RCL1: variants seen among roughly 807,000 people sequenced by gnomAD.
RCL1 encodes RNA 3'-terminal phosphate cyclase-like protein.
RCL1 carries 24 observed loss-of-function variants against 42.4 expected under a neutral mutation model. The observed-to-expected ratio is 0.57, with a 90% CI of 0.41 to 0.80. The LOEUF (loss-of-function observed/expected upper bound fraction) is 0.80. Among genes scored for constraint, RCL1 ranks in the 30% least tolerant of loss-of-function variants. The pLI, the probability that RCL1 is intolerant of heterozygous loss-of-function variation, is 0.00. For missense variants in RCL1, 578 were observed against 467.9 expected (o/e 1.24, Z -2.17); for synonymous variants, 228 against 177.3 (o/e 1.29, Z -2.27).
intron 7 of RCL1, among the ~76,000 whole-genome samples, chr9:4,848,380 GAC>G (rs1817591518): frequency 6.6e-6 from 1 of 152,150 alleles, no homozygotes; most frequent in African/African-American, 2.4e-5. Context: ...AATGATATCT[GAC>G]AGCCAGAGAA....
At chr9:4,809,839 T>C (rs1816109914) in intron 1 of RCL1, among the ~76,000 whole-genome samples, 1 of 151,968 alleles carries the variant, frequency 6.6e-6, no homozygotes, top group Non-Finnish European at 1.5e-5. Context: ...GTTTTCAAGA[T>C]GGAGTCTCAC....
At chr9:4,807,710 G>A (rs1041500235) in intron 1 of RCL1, among the ~76,000 whole-genome samples, 1 of 152,054 alleles carries the variant, frequency 6.6e-6, no homozygotes, top group African/African-American at 2.4e-5. Context: ...GTAGAGACAG[G>A]GTTTCTCCGT....
chr9:4,807,288 C>T (rs1816009311), intron 1 of RCL1, among the ~76,000 whole-genome samples: 1 of 152,128 alleles, frequency 6.6e-6, no homozygotes, highest in South Asian at 2.1e-4. Flanking sequence ...TTATTTCCTT[C>T]CTTCACTTGC....
At chr9:4,813,696 C>A (rs1310302654) in intron 1 of RCL1, among the ~76,000 whole-genome samples, 2 of 152,158 alleles carry the variant, frequency 1.3e-5, no homozygotes, top group Admixed American at 1.3e-4. Flanking sequence ...GGGTATATAC[C>A]CAAAGGATTA....
chr9:4,829,282 C>G lies in RCL1; in HGVS notation c.384+2249C>G, dbSNP rs557349662. Among the ~76,000 whole-genome samples, 3 of 152,188 alleles carry G rather than the reference C, an allele frequency of 2.0e-5. No homozygotes were observed. In the South Asian group the frequency reaches 6.2e-4, roughly 32 times the overall value. ...GATGAATGGAGAGGTGATAGACTAGCTTGGGCATTATGGAGATGGAAGGAG... is the reference window on the plus strand; with the variant it reads ...GATGAATGGAGAGGTGATAGACTAGGTTGGGCATTATGGAGATGGAAGGAG... On this transcript the variant is annotated intron_variant, in intron 3 of 8. Transcript: ENST00000381750.
intron 8 of RCL1, among the ~76,000 whole-genome samples, chr9:4,851,950 C>A (rs191502872): frequency 4.7e-5 from 7 of 147,616 alleles, no homozygotes; most frequent in Non-Finnish European, 7.4e-5. Flanking sequence ...GCGCAATCTC[C>A]GCCCACTGCA....
chr9:4,844,759 C>G (rs1465616340), intron 7 of RCL1, 78 bp downstream of exon 7: 1 of 1,460,066 alleles, frequency 6.8e-7, no homozygotes, highest in South Asian at 1.3e-5. Context: ...TGGCAGCTTT[C>G]GTCCTCTTCC....
At chr9:4,806,755 G>A (rs903660312) in intron 1 of RCL1, among the ~76,000 whole-genome samples, 2 of 151,516 alleles carry the variant, frequency 1.3e-5, no homozygotes, top group Non-Finnish European at 2.9e-5. Context: ...GTCTGGTTTT[G>A]GTATCAGGGT....
chr9:4,860,322 C>G lies in RCL1; in HGVS notation c.*47C>G, dbSNP rs1044835535. 6.3e-7 allele frequency: 1 copy of G among 1,588,590 alleles called. No individual in the cohort carries two copies. The highest frequency in any genetic ancestry group is 1.9e-5 in the Admixed American group (1 of 53,998). On this transcript the variant is annotated 3_prime_UTR_variant, in exon 9 of 9. Coordinates refer to ENST00000381750, the MANE Select transcript of RCL1 (RefSeq NM_005772.5). The stretch of plus-strand genomic sequence containing the variant: ...CCAATGCCTACAGACAAAGCAGAAG[C>G]TGCCACGGACACCAATGGGACCAAG...
chr9:4,805,205 C>T (rs1352997891), intron 1 of RCL1, among the ~76,000 whole-genome samples: 1 of 151,990 alleles, frequency 6.6e-6, no homozygotes, highest in Non-Finnish European at 1.5e-5. Flanking sequence ...ACAAACAAAA[C>T]AATAAGCAAA....
intron 7 of RCL1, among the ~76,000 whole-genome samples, chr9:4,845,553 A>G (rs1164417807): frequency 2.0e-5 from 3 of 152,244 alleles, no homozygotes; most frequent in Admixed American, 2.0e-4. Flanking sequence ...CAGTTTCCTA[A>G]AAGATATATT....
chr9:4,855,460 A>C (rs1036373619), intron 8 of RCL1, among the ~76,000 whole-genome samples: 3 of 152,104 alleles, frequency 2.0e-5, no homozygotes, highest in Non-Finnish European at 2.9e-5. Context: ...ATATGAACTC[A>C]AGAGGCGGTG....
chr9:4,831,106 G>A, intron 3 of RCL1, among the ~76,000 whole-genome samples: 1 of 152,146 alleles, frequency 6.6e-6, no homozygotes, highest in East Asian at 1.9e-4. Context: ...AGGCAGAGTA[G>A]GTCCCAAGCC....
chr9:4,805,485 A>G (rs1037269119), intron 1 of RCL1, among the ~76,000 whole-genome samples: 4 of 152,212 alleles, frequency 2.6e-5, no homozygotes, highest in African/African-American at 7.2e-5. Context: ...TGGATCAAAT[A>G]TTAGTTGGAG....
At chr9:4,823,247 G>A (rs1034167655) in intron 1 of RCL1, among the ~76,000 whole-genome samples, 2 of 150,670 alleles carry the variant, frequency 1.3e-5, no homozygotes, top group African/African-American at 2.4e-5. Context: ...TTATGCTGCT[G>A]AAAGTAATAT....
At chr9:4,849,027 C>A (rs188429) in intron 7 of RCL1, among the ~76,000 whole-genome samples, 2,999 of 151,594 alleles carry the variant, frequency 0.02, 100 homozygotes, top group African/African-American at 0.067. Flanking sequence ...GTGACAGATT[C>A]AATAAATATG....
intron 1 of RCL1, among the ~76,000 whole-genome samples, chr9:4,814,424 C>G (rs1816299362): frequency 1.3e-5 from 2 of 152,054 alleles, no homozygotes; most frequent in Non-Finnish European, 2.9e-5. Context: ...GTGTTTGCCA[C>G]CATGCCCGGC....
Position 4,839,241 on chromosome 9 carries a change from C to T in RCL1, c.585-1991C>T, listed in dbSNP as rs111796567. Among the ~76,000 whole-genome samples the T allele has an allele frequency of 9.0e-3, 1,375 of 152,256 alleles. 21 individuals are homozygous for T. The highest frequency in any genetic ancestry group is 0.031 in the African/African-American group (1,279 of 41,544). On this transcript the variant is annotated intron_variant, in intron 5 of 8. Transcript: ENST00000381750. ...TATAGGATTCTGTAGGCCCTGAATT[C>T]GTACTGTTTGTTAACCTTCGTGTTT...
At chr9:4,829,594 T>C (rs1023862688) in intron 3 of RCL1, among the ~76,000 whole-genome samples, 3 of 152,336 alleles carry the variant, frequency 2.0e-5, no homozygotes, top group Admixed American at 6.5e-5. Context: ...TACCTGCTGA[T>C]ACTTAAGCCT....
Sources: gnomAD v4.1 joint callset for allele counts (sites outside exome capture counted in the v4.1 genomes callset) on GRCh38, gnomAD v4.1.1 for gene constraint, MANE v1.5 for transcripts, NCBI Gene and HGNC (gene_info 2026-07-23, HGNC 2026-07-21) for gene names.